Variants in PPIL3 observed in about 807,000 individuals in gnomAD.
PPIL3 encodes the protein peptidyl-prolyl cis-trans isomerase-like 3.
Under a neutral mutation model 20.9 loss-of-function variants are expected in PPIL3, and 13 were observed. The observed-to-expected ratio is 0.62, with a 90% CI of 0.40 to 0.99. The LOEUF (loss-of-function observed/expected upper bound fraction) is 0.99. PPIL3 is among the 50% of genes least tolerant of loss of function. The pLI is 0.00. For synonymous variants in PPIL3, 71 were observed against 64.4 expected, an observed-to-expected ratio of 1.10 and a Z score of -0.49; for missense variants, 170 against 195.2, an observed-to-expected ratio of 0.87 and a Z score of 0.77.
At chr2:200,884,448 A>G (rs1473662342) in intron 3 of PPIL3, among the ~76,000 whole-genome samples, 1 of 152,166 alleles carries the variant, frequency 6.6e-6, no homozygotes, top group Non-Finnish European at 1.5e-5. Context: ...GAAATAATGT[A>G]TAGAACAGGC....
At chr2:200,878,456 C>A (rs892616709) in intron 5 of PPIL3, among the ~76,000 whole-genome samples, 1 of 149,618 alleles carries the variant, frequency 6.7e-6, no homozygotes, top group African/African-American at 2.5e-5. Flanking sequence ...GTGGTGCAAT[C>A]ATAGCTCACT....
intron 5 of PPIL3, among the ~76,000 whole-genome samples, chr2:200,878,414 G>A (rs2039600405): frequency 6.8e-6 from 1 of 146,704 alleles, no homozygotes; most frequent in Non-Finnish European, 1.5e-5. Flanking sequence ...TTTAGAGACA[G>A]GGTCTCACTC....
At position 200,871,373 on chromosome 2, in the gene PPIL3, T is replaced by G; in HGVS notation, c.*22A>C. ...AGTGTGTTCCAGCAATTTGTCAAGTTATTTGTCCAGGTCTATCATAGCTAC... is the reference window on the plus strand; with the variant it reads ...AGTGTGTTCCAGCAATTTGTCAAGTGATTTGTCCAGGTCTATCATAGCTAC... On this transcript the variant is annotated 3_prime_UTR_variant, in exon 7 of 7. Coordinates refer to ENST00000392283, the MANE Select transcript of PPIL3 (RefSeq NM_130906.3). 1 of 1,592,922 alleles carries G rather than the reference T, an allele frequency of 6.3e-7. No individual in the cohort carries two copies. The highest frequency in any genetic ancestry group is 1.4e-5 in the African/African-American group (1 of 74,040).
intron 2 of PPIL3, among the ~76,000 whole-genome samples, chr2:200,887,143 G>A (rs918091346): frequency 7.2e-5 from 11 of 152,076 alleles, no homozygotes; most frequent in African/African-American, 2.7e-4. Context: ...CCAACACTTT[G>A]GGAGGTCAAG....
intron 1 of PPIL3, among the ~76,000 whole-genome samples, chr2:200,887,975 T>C (rs2040019472): frequency 6.7e-6 from 1 of 148,504 alleles, no homozygotes; most frequent in Non-Finnish European, 1.5e-5. Context: ...GAGAATCACT[T>C]GAACCCAGGA....
chr2:200,879,891 G>T (rs1218043942), intron 5 of PPIL3, among the ~76,000 whole-genome samples: 1 of 152,094 alleles, frequency 6.6e-6, no homozygotes, highest in East Asian at 1.9e-4. Context: ...TTTTCAGCTG[G>T]TATATGGAAG....
At chr2:200,879,160 C>T (rs1206916352) in intron 5 of PPIL3, among the ~76,000 whole-genome samples, 1 of 152,012 alleles carries the variant, frequency 6.6e-6, no homozygotes, top group African/African-American at 2.4e-5. Context: ...GCTCTGTCGC[C>T]CAGACTGGAG....
chr2:200,873,976 C>T (rs557351713), intron 6 of PPIL3, among the ~76,000 whole-genome samples: 28 of 151,298 alleles, frequency 1.9e-4, no homozygotes, highest in Middle Eastern at 3.4e-3. Flanking sequence ...GAGGCCAAGG[C>T]GGGCGGATCA....
intron 6 of PPIL3, among the ~76,000 whole-genome samples, chr2:200,875,469 T>A (rs570944702): frequency 6.6e-6 from 1 of 152,276 alleles, no homozygotes; most frequent in African/African-American, 2.4e-5. Flanking sequence ...GGTTTCACCA[T>A]GTTGGCCTGG....
intron 3 of PPIL3, 85 bp from the exon 4 acceptor site, chr2:200,882,520 T>C (rs953152037): frequency 4.8e-6 from 4 of 837,614 alleles, no homozygotes; most frequent in Admixed American, 1.8e-5. Flanking sequence ...GAAAACGTGA[T>C]AGCAGCATAT....
intron 2 of PPIL3, 136 bp from the exon 3 acceptor site, chr2:200,885,908 T>C: frequency 1.8e-6 from 1 of 551,972 alleles, no homozygotes; most frequent in Non-Finnish European, 3.1e-6. Context: ...AGATGACCCA[T>C]CCACAAAGCA....
At chr2:200,882,632 G>A (rs778958716) in intron 3 of PPIL3, among the ~76,000 whole-genome samples, 197 bp from the exon 4 acceptor site, 2 of 152,088 alleles carry the variant, frequency 1.3e-5, no homozygotes, top group African/African-American at 2.4e-5. Context: ...ATCTTTCGCC[G>A]GGCATGGTGG....
At chr2:200,881,567 A>G (rs561032777) in intron 4 of PPIL3, 79 bp from the exon 5 acceptor site, 1 of 1,231,302 alleles carries the variant, frequency 8.1e-7, no homozygotes, top group East Asian at 2.4e-5. Flanking sequence ...CTTAAGGAAT[A>G]CTTTATAGTT....
At chr2:200,882,755 A>T (rs1355901464) in intron 3 of PPIL3, among the ~76,000 whole-genome samples, 1 of 151,928 alleles carries the variant, frequency 6.6e-6, no homozygotes. Flanking sequence ...AAATACAAAA[A>T]ATTAGCTGGG....
At position 200,885,679 on chromosome 2, in the gene PPIL3, T is replaced by A. The variant is rs540032200; in HGVS notation, c.78+19A>T. ...TTGTTGTATTAACTGATGTTGAATATGTAAATAATAGTACTTACCTCACAT... is the reference window on the plus strand; with the variant it reads ...TTGTTGTATTAACTGATGTTGAATAAGTAAATAATAGTACTTACCTCACAT... On this transcript the variant is annotated intron_variant, in intron 3 of 6. Transcript: ENST00000392283. 1.4e-6 allele frequency: 2 copies of A among 1,442,344 alleles called. No homozygotes were observed. Among genetic ancestry groups the A allele is most frequent in the African/African-American group, 2.8e-5 (2 of 71,032 alleles). 89.3% of individuals were successfully genotyped at this position (1,442,344 alleles called of 1,614,324 possible). A position where few individuals can be genotyped will look rare whatever the true frequency, so the allele number is the denominator to read the frequency against.
At chr2:200,875,442 AT>A (rs1395618837) in intron 6 of PPIL3, among the ~76,000 whole-genome samples, 11 of 151,672 alleles carry the variant, frequency 7.3e-5, no homozygotes, top group Admixed American at 7.2e-4. Flanking sequence ...TAATTTTTGT[AT>A]TTTTAGTAGA....
At chr2:200,875,201 C>A (rs1303550160) in intron 6 of PPIL3, among the ~76,000 whole-genome samples, 1 of 152,078 alleles carries the variant, frequency 6.6e-6, no homozygotes, top group Non-Finnish European at 1.5e-5. Context: ...GGCAATGTGG[C>A]TGAAATACAT....
In PPIL3 at chr2:200,881,294, A is replaced by T. The variant is rs577964246; in HGVS notation, c.240+127T>A. The T allele has an allele frequency of 1.4e-5, 10 of 704,224 alleles. No homozygotes were observed. In the African/African-American group the frequency reaches 1.7e-4, roughly 12 times the overall value. 43.6% of individuals were successfully genotyped at this position (704,224 alleles called of 1,614,324 possible). ...CTCCCCGACATCATTTGTCAAATGT[A>T]CAAAAACTATAAAAAAGTATGTTCA... On this transcript the variant is annotated intron_variant, in intron 5 of 6. Coordinates refer to ENST00000392283, the MANE Select transcript of PPIL3 (RefSeq NM_130906.3).
chr2:200,886,866 T>C (rs2124841676), intron 2 of PPIL3: 1 of 152,390 alleles, frequency 6.6e-6, no homozygotes, highest in South Asian at 2.1e-4. Context: ...GGCCTCACTG[T>C]GTTGCCCAAG....
Sources: allele counts gnomAD v4.1 joint callset (sites outside exome capture counted in the v4.1 genomes callset), GRCh38; gene constraint gnomAD v4.1.1; transcripts MANE v1.5; gene names NCBI Gene and HGNC (gene_info 2026-07-23, HGNC 2026-07-21).